The following AK3 variants were observed in gnomAD, a reference collection of about 807,000 sequenced individuals.
AK3 encodes the protein adenylate kinase 3.
In AK3, 27 loss-of-function variants were observed where a neutral mutation model predicts 23.7. The ratio of observed to expected loss-of-function variants is 1.14; its 90% CI spans 0.84 to 1.57. The LOEUF is 1.57. Ranked by LOEUF, AK3 falls within the 40% of genes most tolerant of loss-of-function variation. The pLI is 0.00. For synonymous variants in AK3, 159 were observed against 116.0 expected, an observed-to-expected ratio of 1.37 and a Z score of -2.38; for missense variants, 406 against 285.6, an observed-to-expected ratio of 1.42 and a Z score of -3.04.
intron 1 of AK3, among the ~76,000 whole-genome samples, chr9:4,731,805 A>T (rs1042480579): frequency 6.6e-6 from 1 of 152,148 alleles, no homozygotes; most frequent in Admixed American, 6.5e-5. Flanking sequence ...TTTGAACCGC[A>T]TGGGTCTACC....
upstream of AK3, among the ~76,000 whole-genome samples, chr9:4,741,522 G>A (rs1227461063): frequency 6.9e-6 from 1 of 145,910 alleles, no homozygotes; most frequent in Non-Finnish European, 1.5e-5. Flanking sequence ...CCGCGACCCC[G>A]GAACCCCGCG....
chr9:4,740,979 A>C lies in AK3; in HGVS notation c.109T>G (p.Ser37Ala). 1.9e-6 allele frequency: 3 copies of C among 1,588,900 alleles called. No individual in the cohort carries two copies. The highest frequency in any genetic ancestry group is 2.6e-6 in the Non-Finnish European group (3 of 1,169,862). ...ITTHFELKHL[S>A]SGDLLRDNML... ...TTGTCCCGGAGCAGGTCCCCGCTGG[A>C]GAGGTGCTTCAGCTCGAAGTGTGTA... The change falls in exon 1 of 5, where the codon TCC (serine) becomes GCC (alanine). Residue 37 changes from serine to alanine, a missense_variant. By Grantham distance (99) the Ser-to-Ala change is moderately conservative (BLOSUM62 1). Coordinates refer to ENST00000381809, the MANE Select transcript of AK3 (RefSeq NM_016282.4).
rs368574635 is a variant in AK3, at chr9:4,741,048, C to T, written c.40G>A (p.Gly14Arg). 1.3e-6 allele frequency: 2 copies of T among 1,570,508 alleles called. No individual in the cohort carries two copies. The highest frequency in any genetic ancestry group is 1.8e-4 in the Middle Eastern group (1 of 5,576). Residue 14 changes from glycine to arginine, a missense_variant, in exon 1 of 5, where the codon GGG becomes AGG. Coordinates refer to ENST00000381809, the MANE Select transcript of AK3 (RefSeq NM_016282.4). ...GTGCCCTTGCCCGAGCCCGGGGCCC[C>T]CATGATCACCGCTCGCAGCAGCCGC... ...SARLLRAVIM[G>R]APGSGKGTVS...
At chr9:4,732,096 C>T (rs1020755537) in intron 1 of AK3, among the ~76,000 whole-genome samples, 14 of 148,120 alleles carry the variant, frequency 9.5e-5, no homozygotes, top group African/African-American at 3.4e-4. Context: ...AAAACAGGCA[C>T]ACACCACAAT....
chr9:4,721,212 G>A (rs946947903), intron 2 of AK3, among the ~76,000 whole-genome samples: 4 of 152,010 alleles, frequency 2.6e-5, no homozygotes, highest in African/African-American at 7.3e-5. Flanking sequence ...AGACCAGTCT[G>A]GCCAACATAG....
chr9:4,717,933 G>T (rs1488409713), intron 4 of AK3, among the ~76,000 whole-genome samples: 1 of 152,194 alleles, frequency 6.6e-6, no homozygotes, highest in African/African-American at 2.4e-5. Flanking sequence ...TCTAGAAGTG[G>T]ACTAGTCAGT....
intron 1 of AK3, among the ~76,000 whole-genome samples, chr9:4,725,676 C>T (rs1236843847): frequency 6.6e-6 from 1 of 152,116 alleles, no homozygotes; most frequent in Non-Finnish European, 1.5e-5. Flanking sequence ...TTTTGCAAAT[C>T]ATGTAGCTGG....
At chr9:4,720,945 A>G (rs1450145227) in intron 2 of AK3, among the ~76,000 whole-genome samples, 1 of 152,156 alleles carries the variant, frequency 6.6e-6, no homozygotes, top group Admixed American at 6.5e-5. Flanking sequence ...CCTGCTGCCA[A>G]AGATAACCTG....
intron 1 of AK3, among the ~76,000 whole-genome samples, chr9:4,728,866 T>TATATAC (rs1395790351): frequency 2.3e-5 from 2 of 87,908 alleles, no homozygotes; most frequent in South Asian, 4.1e-4. Context: ...TATATATATA[T>TATATAC]ACACACACAC....
chr9:4,729,015 A>ATATATATATTTAT (rs71326127), intron 1 of AK3, among the ~76,000 whole-genome samples: 3 of 129,450 alleles, frequency 2.3e-5, no homozygotes, highest in African/African-American at 5.9e-5. Context: ...ATATATATAT[A>ATATATATATTTAT]TTTTTTTTTT....
intron 4 of AK3, among the ~76,000 whole-genome samples, chr9:4,716,993 G>A (rs1346230249): frequency 2.6e-5 from 4 of 152,116 alleles, no homozygotes; most frequent in African/African-American, 4.8e-5. Context: ...GCATACATAC[G>A]CTATTACAAC....
chr9:4,739,670 G>A (rs1842377971), intron 1 of AK3, among the ~76,000 whole-genome samples: 1 of 152,008 alleles, frequency 6.6e-6, no homozygotes, highest in African/African-American at 2.4e-5. Context: ...GGTGGCTCAC[G>A]CCTGTAATCC....
chr9:4,730,901 G>C (rs1425640896), intron 1 of AK3, among the ~76,000 whole-genome samples: 1 of 151,906 alleles, frequency 6.6e-6, no homozygotes, highest in East Asian at 1.9e-4. Context: ...GTACTGAATG[G>C]AAGTTACATG....
chr9:4,718,325 TG>T, intron 4 of AK3, 93 bp downstream of exon 4: 1 of 901,444 alleles, frequency 1.1e-6, no homozygotes, highest in Non-Finnish European at 1.8e-6. Flanking sequence ...CTGGGTCTTT[TG>T]GCATTTTAGC....
At chr9:4,733,112 G>C (rs947769130) in intron 1 of AK3, among the ~76,000 whole-genome samples, 2 of 151,968 alleles carry the variant, frequency 1.3e-5, no homozygotes, top group East Asian at 3.9e-4. Context: ...GCCTCCCAAA[G>C]TGCTGGGATT....
intron 1 of AK3, among the ~76,000 whole-genome samples, chr9:4,739,229 T>C (rs1162212674): frequency 1.3e-5 from 2 of 151,906 alleles, no homozygotes; most frequent in African/African-American, 4.8e-5. Context: ...GATGGGGTCT[T>C]GCTCAGGCTG....
Position 4,720,119 on chromosome 9 carries a change from A to G in AK3, c.272-812T>C, listed in dbSNP as rs138380582. ...TTCTGAAATATGACAAAATGAAACT[A>G]AAGTCCAGCTAAAGGAAAACTATTA... On this transcript the variant is annotated intron_variant, in intron 2 of 4. Coordinates refer to ENST00000381809, the MANE Select transcript of AK3 (RefSeq NM_016282.4). 4.0e-3 allele frequency among the ~76,000 whole-genome samples: 604 copies of G among 152,260 alleles called. 4 individuals carry two copies. Among genetic ancestry groups the G allele is most frequent in the African/African-American group, 0.014 (573 of 41,552 alleles).
chr9:4,737,271 G>C (rs1018004943), intron 1 of AK3, among the ~76,000 whole-genome samples: 1 of 146,686 alleles, frequency 6.8e-6, no homozygotes, highest in Non-Finnish European at 1.5e-5. Context: ...AAAAGTTTTT[G>C]TCTATCTAAA....
chr9:4,716,306 T>C (rs1225207843), intron 4 of AK3, among the ~76,000 whole-genome samples: 1 of 152,202 alleles, frequency 6.6e-6, no homozygotes, highest in Non-Finnish European at 1.5e-5. Context: ...CTGGATCTAA[T>C]TGTCCATGTG....
Sources: gnomAD v4.1 joint callset for allele counts (sites outside exome capture counted in the v4.1 genomes callset) on GRCh38, gnomAD v4.1.1 for gene constraint, MANE v1.5 for transcripts, NCBI Gene and HGNC (gene_info 2026-07-23, HGNC 2026-07-21) for gene names.